The following CNTN4 variants were observed in gnomAD, a reference collection of about 807,000 sequenced individuals.
CNTN4 encodes the protein contactin 4.
In CNTN4, 77 loss-of-function variants were observed where a neutral mutation model predicts 122.5. That is an observed-to-expected ratio of 0.63 (90% CI 0.52 to 0.76). The LOEUF is 0.76. Ranked by LOEUF, CNTN4 falls within the 30% of genes least tolerant of loss-of-function variation. The pLI, the probability that CNTN4 is intolerant of heterozygous loss-of-function variation, is 0.00. For synonymous variants in CNTN4, 512 were observed against 447.0 expected (o/e 1.15, Z -1.83); for missense variants, 1,256 against 1,259.1 (o/e 1.00, Z 0.04).
intron 13 of CNTN4, chr3:2,927,369 G>A (rs73805452): frequency 0.013 from 5,922 of 452,014 alleles, 216 homozygotes; most frequent in African/African-American, 0.08. Flanking sequence ...TGCTCTGGAC[G>A]TTGCCATTGC....
At chr3:2,813,988 G>A (rs2092672410) in intron 6 of CNTN4, among the ~76,000 whole-genome samples, 3 of 152,080 alleles carry the variant, frequency 2.0e-5, no homozygotes, top group Admixed American at 2.0e-4. Flanking sequence ...GTCTCAATGA[G>A]GTAACACATT....
intron 4 of CNTN4, among the ~76,000 whole-genome samples, chr3:2,616,169 C>T (rs62232687): frequency 0.28 from 42,710 of 150,776 alleles, 7,349 homozygotes; most frequent in Middle Eastern, 0.44. Context: ...CCAACAGGCC[C>T]AGTGTGTGTT....
At chr3:2,995,584 C>G (rs986580680) in intron 14 of CNTN4, among the ~76,000 whole-genome samples, 7 of 152,138 alleles carry the variant, frequency 4.6e-5, no homozygotes, top group Non-Finnish European at 1.0e-4. Context: ...TGAAGACAGG[C>G]CTCGTATTTT....
chr3:2,298,572 C>A (rs1183467371), intron 2 of CNTN4, among the ~76,000 whole-genome samples: 1 of 152,178 alleles, frequency 6.6e-6, no homozygotes, highest in Admixed American at 6.5e-5. Flanking sequence ...CCTTTTCTCT[C>A]ATACAATTTA....
intron 6 of CNTN4, among the ~76,000 whole-genome samples, chr3:2,799,289 G>A (rs924143307): frequency 2.0e-5 from 3 of 152,102 alleles, no homozygotes; most frequent in Non-Finnish European, 2.9e-5. Flanking sequence ...TCTTCAGATT[G>A]TCTATTCACT....
At position 2,185,475 on chromosome 3, in the gene CNTN4, A is replaced by T. The variant is rs987611647; in HGVS notation, c.-145+84836A>T. On this transcript the variant is annotated intron_variant, in intron 2 of 24. Transcript: ENST00000418658. ...GAGGGTCTGAAACTTAGGGGATTCG[A>T]GCTCTTGCTACCCCAGGGCACTTTC... Among the ~76,000 whole-genome samples, 3 of 152,194 alleles carry T rather than the reference A, an allele frequency of 2.0e-5. No homozygotes were observed. In the East Asian group the frequency reaches 5.8e-4, roughly 29 times the overall value.
intron 2 of CNTN4, among the ~76,000 whole-genome samples, chr3:2,274,945 G>T (rs1482065200): frequency 6.6e-6 from 1 of 152,156 alleles, no homozygotes; most frequent in South Asian, 2.1e-4. Context: ...ACAGGATGAG[G>T]AATGGAAGGG....
chr3:2,303,844 T>C (rs1043667951), intron 2 of CNTN4, among the ~76,000 whole-genome samples: 8 of 152,146 alleles, frequency 5.3e-5, no homozygotes, highest in Admixed American at 1.3e-4. Flanking sequence ...AGCAAGCAAA[T>C]CTGGGTAGGA....
At chr3:2,611,219 C>T (rs1309681116) in intron 4 of CNTN4, among the ~76,000 whole-genome samples, 1 of 144,020 alleles carries the variant, frequency 6.9e-6, no homozygotes, top group Admixed American at 7.4e-5. Context: ...AATCATATAG[C>T]ACCTGCTATG....
At chr3:2,158,837 TTTTG>T (rs1313381324) in intron 2 of CNTN4, among the ~76,000 whole-genome samples, 4 of 152,194 alleles carry the variant, frequency 2.6e-5, no homozygotes, top group East Asian at 3.9e-4. Flanking sequence ...CATTTTTTTG[TTTTG>T]TTTGTTTTGT....
intron 7 of CNTN4, among the ~76,000 whole-genome samples, chr3:2,840,504 T>G (rs543352762): frequency 3.0e-5 from 4 of 134,908 alleles, no homozygotes; most frequent in South Asian, 5.5e-4. Context: ...ATCGAGACCA[T>G]CCTGGCTAAC....
At chr3:2,884,062 C>T (rs937575450) in intron 9 of CNTN4, among the ~76,000 whole-genome samples, 7 of 152,056 alleles carry the variant, frequency 4.6e-5, no homozygotes, top group African/African-American at 1.4e-4. Context: ...CTCTCTTTTT[C>T]CTGCGCCCAA....
At chr3:2,571,144 C>T (rs2079403748) in intron 3 of CNTN4, among the ~76,000 whole-genome samples, 1 of 152,188 alleles carries the variant, frequency 6.6e-6, no homozygotes, top group African/African-American at 2.4e-5. Flanking sequence ...CCCCTGCCTT[C>T]AGGTTGGTTC....
intron 3 of CNTN4, among the ~76,000 whole-genome samples, chr3:2,523,562 C>G (rs1029357691): frequency 2.6e-5 from 4 of 151,900 alleles, no homozygotes; most frequent in Non-Finnish European, 5.9e-5. Flanking sequence ...AGATTTATGC[C>G]TCAAGTCTGG....
intron 2 of CNTN4, among the ~76,000 whole-genome samples, chr3:2,247,514 GA>G (rs1266139782): frequency 6.6e-6 from 1 of 151,964 alleles, no homozygotes; most frequent in Admixed American, 6.6e-5. Flanking sequence ...GTTTTACAGG[GA>G]AAATTGCTAT....
intron 2 of CNTN4, among the ~76,000 whole-genome samples, chr3:2,304,202 CT>C (rs1471848279): frequency 1.3e-5 from 2 of 152,030 alleles, no homozygotes; most frequent in Non-Finnish European, 2.9e-5. Context: ...AATATATTTT[CT>C]TTTCAAGTTT....
At chr3:2,158,717 T>C (rs1370715764) in intron 2 of CNTN4, among the ~76,000 whole-genome samples, 3 of 152,164 alleles carry the variant, frequency 2.0e-5, no homozygotes, top group Non-Finnish European at 2.9e-5. Context: ...CCAGAAAACA[T>C]GCAGCACGCA....
At position 2,819,641 on chromosome 3, in the gene CNTN4, G is replaced by A. The variant is rs572218183; in HGVS notation, c.454+60G>A. 53 of 1,240,496 alleles carry A rather than the reference G, an allele frequency of 4.3e-5. No individual in the cohort carries two copies. The South Asian group carries it at 4.6e-4, about 11-fold the overall frequency. 76.8% of individuals were successfully genotyped at this position (1,240,496 alleles called of 1,614,324 possible). A position where few individuals can be genotyped will look rare whatever the true frequency, so the allele number is the denominator to read the frequency against. On this transcript the variant is annotated intron_variant, in intron 7 of 24. Transcript: ENST00000418658. The stretch of plus-strand genomic sequence containing the variant: ...CTCTCTGTTATTTTTCTTCCTCAAT[G>A]TTCTCCCTCCTGACACCAGCTGAGT...
At chr3:2,795,396 C>A (rs1258772752) in intron 6 of CNTN4, among the ~76,000 whole-genome samples, 3 of 152,098 alleles carry the variant, frequency 2.0e-5, no homozygotes, top group African/African-American at 7.2e-5. Flanking sequence ...GCTCCCAATA[C>A]CCTTTTCTCA....
Sources: allele counts gnomAD v4.1 joint callset (sites outside exome capture counted in the v4.1 genomes callset), GRCh38; gene constraint gnomAD v4.1.1; transcripts MANE v1.5; gene names NCBI Gene and HGNC (gene_info 2026-07-23, HGNC 2026-07-21).